The following CNTN6 variants were observed in gnomAD, a reference collection of about 807,000 sequenced individuals.
CNTN6 encodes contactin-6.
Under a neutral mutation model 122.8 loss-of-function variants are expected in CNTN6, and 137 were observed. The observed-to-expected ratio is 1.12, with a 90% CI of 0.97 to 1.29. CNTN6 has a LOEUF of 1.29. Ranked by LOEUF, CNTN6 falls within the 50% of genes most tolerant of loss-of-function variation. The pLI is 0.00. For missense variants in CNTN6, 1,634 were observed against 1,223.4 expected, an observed-to-expected ratio of 1.34 and a Z score of -5.01; for synonymous variants, 570 against 426.0, an observed-to-expected ratio of 1.34 and a Z score of -4.16.
At chr3:1,245,302 ATATATATATAT>A (rs1559597516) in intron 4 of CNTN6, among the ~76,000 whole-genome samples, 1 of 6,192 alleles carries the variant, frequency 1.6e-4, no homozygotes, top group East Asian at 3.6e-3. Flanking sequence ...TAACATATAT[ATATATATATAT>A]ATATATATAT....
At chr3:1,197,469 G>A (rs1282702515) in intron 2 of CNTN6, among the ~76,000 whole-genome samples, 1 of 152,140 alleles carries the variant, frequency 6.6e-6, no homozygotes, top group East Asian at 1.9e-4. Flanking sequence ...GGCAGTAAGT[G>A]GGCATTTTTA....
At chr3:1,316,555 C>A (rs1338911647) in intron 7 of CNTN6, among the ~76,000 whole-genome samples, 1 of 151,876 alleles carries the variant, frequency 6.6e-6, no homozygotes, top group African/African-American at 2.4e-5. Flanking sequence ...AGATCCCCAC[C>A]TTCAATACTG....
intron 11 of CNTN6, among the ~76,000 whole-genome samples, chr3:1,330,454 T>C (rs546737248): frequency 3.9e-5 from 6 of 151,944 alleles, no homozygotes; most frequent in Non-Finnish European, 8.8e-5. Flanking sequence ...CACTGGCATG[T>C]TTTCTAGGAG....
chr3:1,132,663 AAAT>A (rs1242995758), intron 1 of CNTN6, among the ~76,000 whole-genome samples: 1 of 115,228 alleles, frequency 8.7e-6, no homozygotes, highest in African/African-American at 4.3e-5. Context: ...TCTAAAAAAT[AAAT>A]AAATAAATAA....
At chr3:1,241,937 T>A (rs1460935234) in intron 4 of CNTN6, among the ~76,000 whole-genome samples, 1 of 152,214 alleles carries the variant, frequency 6.6e-6, no homozygotes, top group Non-Finnish European at 1.5e-5. Flanking sequence ...TCAAGTTGTT[T>A]GGACAGAAAG....
At chr3:1,276,289 A>G (rs2125779755) in intron 4 of CNTN6, among the ~76,000 whole-genome samples, 1 of 152,278 alleles carries the variant, frequency 6.6e-6, no homozygotes, top group African/African-American at 2.4e-5. Context: ...ATAATGGTGT[A>G]TCAATATTTA....
chr3:1,314,429 A>C (rs1435377297), intron 7 of CNTN6, among the ~76,000 whole-genome samples: 1 of 152,106 alleles, frequency 6.6e-6, no homozygotes, highest in Non-Finnish European at 1.5e-5. Flanking sequence ...TCTTTAGTTA[A>C]AAACTTAGTA....
chr3:1,109,565 A>G (rs2091381854), intron 1 of CNTN6, among the ~76,000 whole-genome samples: 1 of 152,044 alleles, frequency 6.6e-6, no homozygotes, highest in Admixed American at 6.6e-5. Flanking sequence ...TGGACTTTTT[A>G]AAAGATATAG....
At chr3:1,101,563 A>C (rs2124957997) in intron 1 of CNTN6, among the ~76,000 whole-genome samples, 1 of 152,270 alleles carries the variant, frequency 6.6e-6, no homozygotes, top group East Asian at 1.9e-4. Flanking sequence ...TATTTTTATC[A>C]GGTACTCTTA....
chr3:1,316,797 C>G (rs762548203), intron 7 of CNTN6, among the ~76,000 whole-genome samples: 1 of 151,848 alleles, frequency 6.6e-6, no homozygotes, highest in Admixed American at 6.6e-5. Flanking sequence ...TTAAAGCTCG[C>G]TACTAAAATA....
intron 4 of CNTN6, among the ~76,000 whole-genome samples, chr3:1,250,015 T>G (rs958387226): frequency 1.3e-5 from 2 of 152,266 alleles, no homozygotes; most frequent in African/African-American, 4.8e-5. Context: ...TGTTTTTATT[T>G]AAAAAGGTGT....
At chr3:1,300,659 T>G (rs1011344496) in intron 7 of CNTN6, among the ~76,000 whole-genome samples, 4 of 152,202 alleles carry the variant, frequency 2.6e-5, no homozygotes, top group Non-Finnish European at 5.9e-5. Context: ...GTCTTTGAAC[T>G]GCTCACATAC....
chr3:1,295,867 C>T (rs77968755), intron 6 of CNTN6, 63 bp downstream of exon 6: 12 of 1,447,178 alleles, frequency 8.3e-6, no homozygotes, highest in South Asian at 6.1e-5. Flanking sequence ...TGGGAAGATT[C>T]GTAAAGCTTT....
chr3:1,394,673 T>C (rs1272993008), intron 20 of CNTN6, among the ~76,000 whole-genome samples: 1 of 152,176 alleles, frequency 6.6e-6, no homozygotes, highest in Non-Finnish European at 1.5e-5. Context: ...AAATTAAAAG[T>C]GTTAGTTTGT....
intron 12 of CNTN6, among the ~76,000 whole-genome samples, chr3:1,366,739 TAGAC>T (rs1388858342): frequency 2.0e-5 from 3 of 152,120 alleles, no homozygotes; most frequent in African/African-American, 7.2e-5. Flanking sequence ...TCATGGCTAT[TAGAC>T]AGCCATCTGC....
chr3:1,301,283 T>A (rs1477941794), intron 7 of CNTN6, among the ~76,000 whole-genome samples: 1 of 152,006 alleles, frequency 6.6e-6, no homozygotes, highest in Admixed American at 6.6e-5. Context: ...GCTCCACCCA[T>A]CTTGGCCTCC....
intron 1 of CNTN6, among the ~76,000 whole-genome samples, chr3:1,125,812 C>T (rs2092139414): frequency 6.6e-6 from 1 of 151,684 alleles, no homozygotes; most frequent in African/African-American, 2.4e-5. Context: ...GATATGACAA[C>T]CACAGACATA....
intron 20 of CNTN6, among the ~76,000 whole-genome samples, chr3:1,398,367 T>C (rs1397957327): frequency 1.3e-5 from 2 of 152,126 alleles, no homozygotes; most frequent in Non-Finnish European, 2.9e-5. Context: ...AGAAAGGATG[T>C]AGACTAAGAG....
At chr3:1,243,677 C>T (rs966398102) in intron 4 of CNTN6, among the ~76,000 whole-genome samples, 3 of 152,152 alleles carry the variant, frequency 2.0e-5, no homozygotes, top group African/African-American at 7.2e-5. Context: ...AAGCATTAAC[C>T]TTGACTATGC....
Sources: allele counts gnomAD v4.1 joint callset (sites outside exome capture counted in the v4.1 genomes callset), GRCh38; gene constraint gnomAD v4.1.1; transcripts MANE v1.5; gene names NCBI Gene and HGNC (gene_info 2026-07-23, HGNC 2026-07-21).